Variants in SGCZ observed in about 807,000 individuals in gnomAD.
SGCZ encodes zeta-sarcoglycan.
SGCZ carries 40 observed loss-of-function variants against 41.3 expected under a neutral mutation model. That is an observed-to-expected ratio of 0.97 (90% CI 0.75 to 1.26). The LOEUF (loss-of-function observed/expected upper bound fraction) is 1.26, where lower values mean the gene tolerates loss of function less well. SGCZ is among the 50% of genes most tolerant of loss of function. The probability of loss-of-function intolerance (pLI) is 0.00; values close to 1 mark genes in which losing one functional copy is unlikely to be tolerated. For missense variants in SGCZ, 552 were observed against 369.8 expected, an observed-to-expected ratio of 1.49 and a Z score of -4.04; for synonymous variants, 206 against 137.5, an observed-to-expected ratio of 1.50 and a Z score of -3.49.
intron 3 of SGCZ, among the ~76,000 whole-genome samples, chr8:14,295,653 T>G (rs7831081): frequency 0.76 from 115,505 of 152,066 alleles, 44,233 homozygotes; most frequent in Non-Finnish European, 0.8. Context: ...AAAAAATACA[T>G]AAATGTGACA....
intron 5 of SGCZ, among the ~76,000 whole-genome samples, chr8:14,124,277 CCT>C (rs1434785200): frequency 6.6e-6 from 1 of 151,938 alleles, no homozygotes; most frequent in African/African-American, 2.4e-5. Context: ...TCCTTCACTC[CCT>C]CTTTCTCCTC....
chr8:14,695,793 C>A (rs1808940372), intron 1 of SGCZ, among the ~76,000 whole-genome samples: 1 of 151,770 alleles, frequency 6.6e-6, no homozygotes. Flanking sequence ...CATTTACTAG[C>A]AAAAGTGATG....
intron 1 of SGCZ, among the ~76,000 whole-genome samples, chr8:14,997,887 G>T (rs748675710): frequency 6.6e-5 from 10 of 152,078 alleles, no homozygotes; most frequent in South Asian, 6.2e-4. Flanking sequence ...TTGAACCCGG[G>T]AGGCGGAGGT....
intron 1 of SGCZ, among the ~76,000 whole-genome samples, chr8:14,921,637 T>C (rs1799591184): frequency 6.6e-6 from 1 of 152,104 alleles, no homozygotes; most frequent in South Asian, 2.1e-4. Context: ...TAAATAGTAG[T>C]AGCCAGAATT....
At chr8:14,237,203 G>C (rs554976516) in intron 4 of SGCZ, among the ~76,000 whole-genome samples, 69 of 152,138 alleles carry the variant, frequency 4.5e-4, no homozygotes, top group African/African-American at 1.6e-3. Context: ...GTAATGACCA[G>C]CAAAATAAAT....
chr8:14,525,155 G>C (rs984582950), intron 2 of SGCZ, among the ~76,000 whole-genome samples: 1 of 41,784 alleles, frequency 2.4e-5, no homozygotes, highest in Non-Finnish European at 5.1e-5. Context: ...TAGATAGATA[G>C]ATAGATAGAT....
At chr8:14,604,365 T>A (rs571393911) in intron 1 of SGCZ, among the ~76,000 whole-genome samples, 1 of 152,264 alleles carries the variant, frequency 6.6e-6, no homozygotes, top group East Asian at 1.9e-4. Context: ...CCAAGATCAA[T>A]TATTGATGTC....
At chr8:14,305,354 T>A (rs892176101) in intron 3 of SGCZ, among the ~76,000 whole-genome samples, 4 of 152,148 alleles carry the variant, frequency 2.6e-5, no homozygotes, top group Admixed American at 2.0e-4. Flanking sequence ...ATACTTATAA[T>A]GCTTATTTTA....
At chr8:14,283,973 T>A (rs919597351) in intron 3 of SGCZ, among the ~76,000 whole-genome samples, 1 of 152,272 alleles carries the variant, frequency 6.6e-6, no homozygotes, top group African/African-American at 2.4e-5. Context: ...TTCTTTCAAC[T>A]TTTGTTTTAT....
chr8:14,260,304 C>G (rs1308459572), intron 3 of SGCZ, among the ~76,000 whole-genome samples: 4 of 151,558 alleles, frequency 2.6e-5, no homozygotes, highest in Admixed American at 2.0e-4. Flanking sequence ...ACAGACACTT[C>G]TCAAAAGAAG....
At chr8:14,464,605 T>G (rs1020763854) in intron 2 of SGCZ, among the ~76,000 whole-genome samples, 2 of 151,500 alleles carry the variant, frequency 1.3e-5, no homozygotes, top group African/African-American at 4.8e-5. Flanking sequence ...ATCTCTGCTT[T>G]AGTCTTTATG....
intron 4 of SGCZ, among the ~76,000 whole-genome samples, chr8:14,196,063 G>A (rs1805257644): frequency 6.6e-6 from 1 of 152,028 alleles, no homozygotes; most frequent in Admixed American, 6.6e-5. Context: ...TGTGGCTACT[G>A]TATCTCTACA....
intron 3 of SGCZ, among the ~76,000 whole-genome samples, chr8:14,294,802 A>G (rs1258497024): frequency 1.3e-5 from 2 of 152,086 alleles, no homozygotes; most frequent in African/African-American, 4.8e-5. Context: ...ATGTCACATA[A>G]ACATATGAAA....
chr8:15,109,246 C>T (rs1455753426), intron 1 of SGCZ, among the ~76,000 whole-genome samples: 3 of 152,078 alleles, frequency 2.0e-5, no homozygotes, highest in Non-Finnish European at 4.4e-5. Context: ...ATCCCAGGAG[C>T]CCAATGTTTT....
At chr8:14,280,529 G>T (rs572013966) in intron 3 of SGCZ, among the ~76,000 whole-genome samples, 1 of 151,910 alleles carries the variant, frequency 6.6e-6, no homozygotes, top group South Asian at 2.1e-4. Flanking sequence ...ACTCAAAGAA[G>T]ATATTACTTT....
chr8:14,566,708 C>T (rs1328270405), intron 1 of SGCZ, among the ~76,000 whole-genome samples: 3 of 152,246 alleles, frequency 2.0e-5, no homozygotes, highest in Admixed American at 6.5e-5. Flanking sequence ...TCGGCCTTGG[C>T]GCCCACTCTG....
intron 1 of SGCZ, among the ~76,000 whole-genome samples, chr8:15,157,994 T>A (rs1799385858): frequency 6.6e-6 from 1 of 152,186 alleles, no homozygotes; most frequent in African/African-American, 2.4e-5. Flanking sequence ...CTCACTTTTG[T>A]TTTGCTGTTG....
intron 4 of SGCZ, among the ~76,000 whole-genome samples, chr8:14,230,717 A>C (rs553485557): frequency 2.0e-5 from 3 of 149,336 alleles, no homozygotes; most frequent in Non-Finnish European, 4.5e-5. Context: ...AATAATTTTA[A>C]TTGAACATAT....
intron 2 of SGCZ, among the ~76,000 whole-genome samples, chr8:14,404,939 G>T (rs537483159): frequency 6.6e-6 from 1 of 152,306 alleles, no homozygotes; most frequent in South Asian, 2.1e-4. Context: ...GCTATTGCCG[G>T]CAGTGGCTTT....
Sources: gnomAD v4.1 joint callset for allele counts (sites outside exome capture counted in the v4.1 genomes callset) on GRCh38, gnomAD v4.1.1 for gene constraint, MANE v1.5 for transcripts, NCBI Gene and HGNC (gene_info 2026-07-23, HGNC 2026-07-21) for gene names.